Variants in PSMA2 observed in about 807,000 individuals in gnomAD.
The protein encoded by PSMA2 is proteasome subunit alpha type-2.
A neutral mutation model predicts 35.9 loss-of-function variants in PSMA2; 2 were observed. The ratio of observed to expected loss-of-function variants is 0.06; its 90% confidence interval spans 0.02 to 0.18. The LOEUF is 0.18. Among genes scored for constraint, PSMA2 ranks in the 10% least tolerant of loss-of-function variants. The pLI is 1.00. For synonymous variants in PSMA2, 97 were observed against 98.2 expected (o/e 0.99, Z 0.07); for missense variants, 126 against 278.8 (o/e 0.45, Z 3.90).
At chr7:42,918,700 A>C (rs1374711585) in intron 6 of PSMA2, 2 of 154,096 alleles carry the variant, frequency 1.3e-5, no homozygotes, top group Admixed American at 1.3e-4. Flanking sequence ...GACAAGGATG[A>C]CCCTCAGCCC....
chr7:42,927,894 G>A (rs1265479993), intron 1 of PSMA2, among the ~76,000 whole-genome samples: 2 of 119,484 alleles, frequency 1.7e-5, no homozygotes, highest in South Asian at 3.2e-4. Flanking sequence ...CAACAAGGCC[G>A]AAACCTCGTC....
intron 2 of PSMA2, among the ~76,000 whole-genome samples, chr7:42,926,890 G>A (rs1786225335): frequency 6.6e-6 from 1 of 152,084 alleles, no homozygotes; most frequent in Non-Finnish European, 1.5e-5. Context: ...TACAGCTAAA[G>A]GTATTACATA....
intron 3 of PSMA2, among the ~76,000 whole-genome samples, chr7:42,925,618 A>C (rs1227316774): frequency 6.6e-6 from 1 of 152,222 alleles, no homozygotes; most frequent in African/African-American, 2.4e-5. Flanking sequence ...AAATTTGTCA[A>C]AAGAGATTAA....
At chr7:42,931,195 CAGGTTA>C (rs1786303944) in intron 1 of PSMA2, 1 of 449,802 alleles carries the variant, frequency 2.2e-6, no homozygotes, top group African/African-American at 2.0e-5. Flanking sequence ...AGAGATGGAG[CAGGTTA>C]AGGTTAAGTT....
intron 1 of PSMA2, among the ~76,000 whole-genome samples, chr7:42,929,828 T>C (rs1397775028): frequency 1.3e-5 from 2 of 152,184 alleles, no homozygotes; most frequent in Non-Finnish European, 2.9e-5. Context: ...TCAAGCTCCT[T>C]CCCAGTTTCA....
intron 2 of PSMA2, 55 bp downstream of exon 2, chr7:42,927,328 A>G: frequency 6.7e-7 from 1 of 1,482,682 alleles, no homozygotes; most frequent in South Asian, 1.2e-5. Context: ...ATGAATTCCA[A>G]AATAATTAGG....
Position 42,932,113 on chromosome 7 carries a change from C to A in PSMA2, c.41+5G>T. Reference sequence around the variant, plus strand: ...CGCTGAAGACCTCGAGGGCCCCTTCCATACCTGAATGTAGTCAGCGAAAAG... The same window carrying A: ...CGCTGAAGACCTCGAGGGCCCCTTCAATACCTGAATGTAGTCAGCGAAAAG... On this transcript the variant is annotated splice_donor_5th_base_variant and intron_variant, in intron 1 of 7. Coordinates refer to ENST00000223321, the MANE Select transcript of PSMA2 (RefSeq NM_002787.5). 2 of 1,614,166 alleles carry A rather than the reference C, an allele frequency of 1.2e-6. No individual in the cohort carries two copies. The highest frequency in any genetic ancestry group is 1.7e-6 in the Non-Finnish European group (2 of 1,180,034).
At position 42,917,676 on chromosome 7, in the gene PSMA2, C is replaced by T; in HGVS notation, c.603G>A (p.Gly201=). Reference sequence around the variant, plus strand: ...CTTCTATGTTATCCTCTGTCATTTGCCCTTCAAAGCTTTCCTATTGAGGAG... The same window carrying T: ...CTTCTATGTTATCCTCTGTCATTTGTCCTTCAAAGCTTTCCTATTGAGGAG... ...AILTLKESFE[G]QMTEDNIEVG... The change falls in exon 8 of 8, where the codon GGG becomes GGA. Residue 201 remains glycine (G), a synonymous_variant. Coordinates refer to ENST00000223321, the MANE Select transcript of PSMA2 (RefSeq NM_002787.5). 1 of 1,613,724 alleles carries T rather than the reference C, an allele frequency of 6.2e-7. No homozygotes were observed. Among genetic ancestry groups the T allele is most frequent in the Non-Finnish European group, 8.5e-7 (1 of 1,179,870 alleles).
chr7:42,917,580 T>C lies in PSMA2; in HGVS notation c.699A>G (p.Ile233Met), dbSNP rs1394851381. ...TTTTTCAGTCACTTCATTGTTATGC[T>C]ATGGCAGCCAAGTAATCCTTAACTT... ...PTEVKDYLAA[I>M]A The change falls in exon 8 of 8, where the codon ATA becomes ATG. Residue 233 changes from isoleucine (I) to methionine (M), a missense_variant. Transcript: ENST00000223321. 6.2e-7 allele frequency: 1 copy of C among 1,610,282 alleles called. No individual in the cohort carries two copies. Among genetic ancestry groups the C allele is most frequent in the South Asian group, 1.1e-5 (1 of 90,930 alleles).
intron 6 of PSMA2, chr7:42,919,335 G>A: frequency 3.4e-6 from 2 of 580,668 alleles, no homozygotes; most frequent in Admixed American, 3.8e-5. Flanking sequence ...GATGACCCTG[G>A]CTCATAAACA....
chr7:42,924,039 A>T (rs1019239284), intron 4 of PSMA2, among the ~76,000 whole-genome samples: 3 of 152,186 alleles, frequency 2.0e-5, no homozygotes, highest in African/African-American at 7.2e-5. Context: ...TCATGTGCTT[A>T]CCATCATTTC....
intron 6 of PSMA2, 142 bp from the exon 7 acceptor site, chr7:42,917,977 T>G: frequency 1.8e-6 from 1 of 567,066 alleles, no homozygotes. Flanking sequence ...ATCACCTCCT[T>G]GTAGCTGTCT....
intron 1 of PSMA2, 129 bp from the exon 2 acceptor site, chr7:42,927,588 A>C: frequency 4.2e-5 from 34 of 803,600 alleles, no homozygotes; most frequent in Middle Eastern, 3.6e-4. Context: ...CTGGCCTTTG[A>C]CCTCTATCAT....
intron 6 of PSMA2, chr7:42,921,278 G>C (rs2128673729): frequency 6.6e-6 from 1 of 152,232 alleles, no homozygotes; most frequent in East Asian, 1.9e-4. Context: ...TACATATCAA[G>C]AAATAAAACA....
rs1045301010 is a variant in PSMA2, at chr7:42,923,420, A to G, written c.375-14T>C. On this transcript the variant is annotated splice_polypyrimidine_tract_variant and intron_variant, in intron 4 of 7. Coordinates refer to ENST00000223321, the MANE Select transcript of PSMA2 (RefSeq NM_002787.5). ...GGACGAACACCACTGCAGGGAGGAA[A>G]ATGAAAATTACTTGGCATTTTCATG... 3 of 1,602,066 alleles carry G rather than the reference A, an allele frequency of 1.9e-6. No homozygotes were observed. The highest frequency in any genetic ancestry group is 1.7e-6 in the Non-Finnish European group (2 of 1,169,960).
At chr7:42,932,089 G>A in intron 1 of PSMA2, 29 bp downstream of exon 1, 1 of 1,613,826 alleles carries the variant, frequency 6.2e-7, no homozygotes, top group African/African-American at 1.3e-5. Context: ...CCTCGACTAC[G>A]CTGAAGACCT....
Position 42,927,370 on chromosome 7 carries a change from A to G in PSMA2, c.118+13T>C. The G allele has an allele frequency of 6.2e-7, 1 of 1,604,926 alleles. No homozygotes were observed. Among genetic ancestry groups the G allele is most frequent in the Non-Finnish European group, 8.5e-7 (1 of 1,171,628 alleles). On this transcript the variant is annotated intron_variant, in intron 2 of 7. Transcript: ENST00000223321. The stretch of plus-strand genomic sequence containing the variant: ...ACTAACAGGCATCTGAAATGAATGA[A>G]GCATTTCATTACCTTTAATTCCCAC...
Position 42,924,353 on chromosome 7 carries a change from CAAAAAAAAA to C in PSMA2, c.374+313_374+321del, listed in dbSNP as rs58198756. ...TGGGCGACAGAGTGAGACTCTGACT[CAAAAAAAAA>C]AAAAAAAAAAAAAAAAAGAAAAATT... On this transcript the variant is annotated intron_variant, in intron 4 of 7. Transcript: ENST00000223321. Among the ~76,000 whole-genome samples the C allele has an allele frequency of 1.2e-3, 85 of 69,434 alleles. No individual in the cohort carries two copies. The South Asian group carries it at 0.012, about 10-fold the overall frequency. 45.6% of individuals were successfully genotyped at this position (69,434 alleles called of 152,430 possible). A position where few individuals can be genotyped will look rare whatever the true frequency, so the allele number is the denominator to read the frequency against.
chr7:42,928,712 A>C (rs2128674843), intron 1 of PSMA2, among the ~76,000 whole-genome samples: 1 of 152,276 alleles, frequency 6.6e-6, no homozygotes, highest in African/African-American at 2.4e-5. Flanking sequence ...TCTTCATATA[A>C]TTACGAATAT....
Sources: gnomAD v4.1 joint callset for allele counts (sites outside exome capture counted in the v4.1 genomes callset) on GRCh38, gnomAD v4.1.1 for gene constraint, MANE v1.5 for transcripts, NCBI Gene and HGNC (gene_info 2026-07-23, HGNC 2026-07-21) for gene names.